LRPAP1: variants seen among roughly 807,000 people sequenced by gnomAD.
LRPAP1 encodes LDL receptor related protein associated protein 1.
Under a neutral mutation model 39.9 loss-of-function variants are expected in LRPAP1, and 41 were observed. That is an observed-to-expected ratio of 1.03 (90% CI 0.80 to 1.33). The LOEUF (loss-of-function observed/expected upper bound fraction) is 1.33. Among genes scored for constraint, LRPAP1 ranks in the 40% most tolerant of loss-of-function variants. The pLI, the probability that LRPAP1 is intolerant of heterozygous loss-of-function variation, is 0.00. For synonymous variants in LRPAP1, 263 were observed against 212.7 expected (o/e 1.24, Z -2.06); for missense variants, 565 against 482.3 (o/e 1.17, Z -1.61).
At chr4:3,516,308 C>G in intron 5 of LRPAP1, 110 bp from the exon 6 acceptor site, 2 of 776,176 alleles carry the variant, frequency 2.6e-6, no homozygotes, top group Non-Finnish European at 4.2e-6. Context: ...TTTGCAGGCG[C>G]GACCTGCATG....
chr4:3,531,876 G>C (rs1176588416), intron 1 of LRPAP1: 1 of 383,222 alleles, frequency 2.6e-6, no homozygotes. Flanking sequence ...GCAAAGGCTC[G>C]GGAGGCAGGA....
chr4:3,504,764 A>AC lies in LRPAP1; in HGVS notation c.*8209dup. Among the ~76,000 whole-genome samples, 1 of 141,028 alleles carries AC rather than the reference A, an allele frequency of 7.1e-6. No homozygotes were observed. The highest frequency in any genetic ancestry group is 2.6e-5 in the African/African-American group (1 of 38,842). The allele number at this position is 141,028 out of a possible 152,430, so 92.5% of individuals were successfully genotyped here. A position where few individuals can be genotyped will look rare whatever the true frequency, so the allele number is the denominator to read the frequency against. On this transcript the variant is annotated 3_prime_UTR_variant, in exon 8 of 8. Coordinates refer to ENST00000650182, the MANE Select transcript of LRPAP1 (RefSeq NM_002337.4). ...CCATCTCAAAAAAAAAAAAAAAAAA[A>AC]CCAAAAAACAAAACACACACACACA...
rs918660627 is a variant in LRPAP1, at chr4:3,510,300, G to C, written c.*2674C>G. On this transcript the variant is annotated 3_prime_UTR_variant, in exon 8 of 8. Coordinates refer to ENST00000650182, the MANE Select transcript of LRPAP1 (RefSeq NM_002337.4). ...AAAAATAAAAAAAATAAAATCAGCC[G>C]GGTGTGGTGACACACGCCTGTGGTC... 1 of 152,202 alleles carries C rather than the reference G, an allele frequency of 6.6e-6. No homozygotes were observed. Among genetic ancestry groups the C allele is most frequent in the African/African-American group, 2.4e-5 (1 of 41,434 alleles). The allele number at this position is 152,202 out of a possible 1,614,324, so 9.4% of individuals were successfully genotyped here. A position where few individuals can be genotyped will look rare whatever the true frequency, so the allele number is the denominator to read the frequency against.
At position 3,522,628 on chromosome 4, in the gene LRPAP1, ACGCCGCCCCACACCCCC is replaced by A. The variant is rs1188243061; in HGVS notation, c.349+2262_349+2278del. ...CACACCCCCTGCCTGGGGAGGACAG[ACGCCGCCCCACACCCCC>A]TGCCTGGGGAGGACGGACGCCGCCC... On this transcript the variant is annotated intron_variant, in intron 2 of 7. Coordinates refer to ENST00000650182, the MANE Select transcript of LRPAP1 (RefSeq NM_002337.4). Among the ~76,000 whole-genome samples the A allele has an allele frequency of 3.4e-4, 44 of 129,174 alleles. 3 individuals are homozygous for A. The highest frequency in any genetic ancestry group is 1.1e-3 in the South Asian group (4 of 3,754). 84.7% of individuals were successfully genotyped at this position (129,174 alleles called of 152,430 possible). A position where few individuals can be genotyped will look rare whatever the true frequency, so the allele number is the denominator to read the frequency against.
intron 1 of LRPAP1, 32 bp downstream of exon 1, chr4:3,532,164 CCCCCGCCCCCAGG>C: frequency 6.5e-7 from 1 of 1,541,534 alleles, no homozygotes; most frequent in African/African-American, 1.4e-5. Context: ...CCAACCACGG[CCCCCGCCCCCAGG>C]CCCCGCTCCA....
chr4:3,517,963 C>G, intron 5 of LRPAP1, 71 bp downstream of exon 5: 1 of 1,517,170 alleles, frequency 6.6e-7, no homozygotes, highest in Non-Finnish European at 8.8e-7. Flanking sequence ...AAGCACCTGC[C>G]TGCTTGTCCC....
intron 6 of LRPAP1, 125 bp downstream of exon 6, chr4:3,515,990 AG>A: frequency 2.1e-6 from 2 of 935,756 alleles, no homozygotes; most frequent in African/African-American, 3.3e-5. Flanking sequence ...CGAGTGGTTA[AG>A]GAAGAAACTG....
At chr4:3,527,154 C>A (rs1170307362) in intron 1 of LRPAP1, among the ~76,000 whole-genome samples, 1 of 152,138 alleles carries the variant, frequency 6.6e-6, no homozygotes, top group Non-Finnish European at 1.5e-5. Context: ...ATTGTCCCAA[C>A]CTGAAAACCC....
Position 3,520,100 on chromosome 4 carries a change from T to A in LRPAP1, c.443A>T (p.Asp148Val). The change falls in exon 3 of 8, where the codon GAC becomes GTC. Residue 148 changes from aspartate to valine, a missense_variant. Transcript: ENST00000650182. ...GTGCCACAGCTTTTCCAGCCTGGGG[T>A]CATCCAGCCCGTCTTCCTGGGTGCC... is the stretch of plus-strand genomic sequence containing the variant. ...LSGTQEDGLD[D>V]PRLEKLWHKA... is the part of the protein sequence containing the mutation. 2 of 1,614,092 alleles carry A rather than the reference T, an allele frequency of 1.2e-6. No individual in the cohort carries two copies. Among genetic ancestry groups the A allele is most frequent in the Non-Finnish European group, 1.7e-6 (2 of 1,180,016 alleles).
At chr4:3,515,878 G>A in intron 6 of LRPAP1, 1 of 572,930 alleles carries the variant, frequency 1.7e-6, no homozygotes, top group Non-Finnish European at 3.1e-6. Flanking sequence ...GCTCAGACGT[G>A]AACACGGACA....
chr4:3,518,631 G>A (rs556605587), intron 4 of LRPAP1, among the ~76,000 whole-genome samples: 2 of 152,064 alleles, frequency 1.3e-5, no homozygotes, highest in Admixed American at 6.5e-5. Context: ...GGCAGGCGCC[G>A]GTGAGACTTG....
At chr4:3,522,961 A>AG (rs1729965911) in intron 2 of LRPAP1, among the ~76,000 whole-genome samples, 1 of 152,136 alleles carries the variant, frequency 6.6e-6, no homozygotes, top group Non-Finnish European at 1.5e-5. Context: ...TCGGGGGTCC[A>AG]GGGACCACAC....
rs540571606 is a variant in LRPAP1 at position 3,514,619 on chromosome 4, G to T, written c.1011+133C>A. 98 of 1,207,862 alleles carry T rather than the reference G, an allele frequency of 8.1e-5. 1 individual carries two copies. The African/African-American group carries it at 1.1e-3, about 14-fold the overall frequency. 74.8% of individuals were successfully genotyped at this position (1,207,862 alleles called of 1,614,324 possible). A position where few individuals can be genotyped will look rare whatever the true frequency, so the allele number is the denominator to read the frequency against. On this transcript the variant is annotated intron_variant, in intron 7 of 7. Coordinates refer to ENST00000650182, the MANE Select transcript of LRPAP1 (RefSeq NM_002337.4). ...TGCCCCACACACTTGTGGCCCTGGGGTTCAACTCGGACAGGGAAGACAGCA... is the reference window on the plus strand; with the variant it reads ...TGCCCCACACACTTGTGGCCCTGGGTTTCAACTCGGACAGGGAAGACAGCA...
intron 3 of LRPAP1, 65 bp downstream of exon 3, chr4:3,520,007 C>T: frequency 3.2e-6 from 5 of 1,577,912 alleles, no homozygotes; most frequent in Non-Finnish European, 4.3e-6. Context: ...CCCCTCACAG[C>T]CCCCGCCTTA....
At chr4:3,524,808 C>T (rs1730028188) in intron 2 of LRPAP1, 99 bp downstream of exon 2, 1 of 1,383,124 alleles carries the variant, frequency 7.2e-7, no homozygotes, top group Non-Finnish European at 1.0e-6. Flanking sequence ...TGCAAATATT[C>T]CCAAATCCAA....
chr4:3,526,806 G>C, intron 1 of LRPAP1, among the ~76,000 whole-genome samples: 1 of 152,208 alleles, frequency 6.6e-6, no homozygotes, highest in Non-Finnish European at 1.5e-5. Flanking sequence ...CCTGACCACA[G>C]GCCCTGTCTC....
chr4:3,515,718 T>C (rs1021246061), intron 6 of LRPAP1, among the ~76,000 whole-genome samples: 1 of 152,120 alleles, frequency 6.6e-6, no homozygotes, highest in African/African-American at 2.4e-5. Flanking sequence ...CCCTGCCACC[T>C]GAGGTGGTCT....
At position 3,514,814 on chromosome 4, in the gene LRPAP1, C is replaced by G. The variant is rs755095644; in HGVS notation, c.949G>C (p.Val317Leu). The change falls in exon 7 of 8, where the codon GTG becomes CTG. Residue 317 changes from valine to leucine, a missense_variant. Coordinates refer to ENST00000650182, the MANE Select transcript of LRPAP1 (RefSeq NM_002337.4). ...HAESVGDGER[V>L]SRSREKHALL... The stretch of plus-strand genomic sequence containing the variant: ...GCGTGCTTCTCGCGGCTGCGGCTCA[C>G]ACGCTCGCCGTCGCCCACGCTCTCT... The G allele has an allele frequency of 7.4e-6, 12 of 1,613,230 alleles. No individual in the cohort carries two copies. The Admixed American group carries it at 1.7e-4, about 22-fold the overall frequency.
chr4:3,507,701 A>G lies in LRPAP1; in HGVS notation c.*5273T>C, dbSNP rs1046483551. Reference sequence around the variant, plus strand: ...ACAGCAAATTGAACACAAAATAGGTAGAAGAAAGGAAATTCATAAGAAAAG... The same window carrying G: ...ACAGCAAATTGAACACAAAATAGGTGGAAGAAAGGAAATTCATAAGAAAAG... On this transcript the variant is annotated 3_prime_UTR_variant, in exon 8 of 8. Transcript: ENST00000650182. 1.3e-5 allele frequency: 2 copies of G among 152,214 alleles called. 1 individual carries two copies. Among genetic ancestry groups the G allele is most frequent in the South Asian group, 4.1e-4 (2 of 4,834 alleles). 9.4% of individuals were successfully genotyped at this position (152,214 alleles called of 1,614,324 possible). A position where few individuals can be genotyped will look rare whatever the true frequency, so the allele number is the denominator to read the frequency against.
Sources: gnomAD v4.1 joint callset for allele counts (sites outside exome capture counted in the v4.1 genomes callset) on GRCh38, gnomAD v4.1.1 for gene constraint, MANE v1.5 for transcripts, NCBI Gene and HGNC (gene_info 2026-07-23, HGNC 2026-07-21) for gene names.